Variants in GEMIN4 observed in about 807,000 individuals in gnomAD.
The protein encoded by GEMIN4 is gem-associated protein 4.
A neutral mutation model predicts 76.8 loss-of-function variants in GEMIN4; 59 were observed. The ratio of observed to expected loss-of-function variants is 0.77; its 90% CI spans 0.62 to 0.95. The LOEUF (loss-of-function observed/expected upper bound fraction) is 0.95. Among genes scored for constraint, GEMIN4 ranks in the 40% least tolerant of loss-of-function variants. The pLI, the probability that GEMIN4 is intolerant of heterozygous loss-of-function variation, is 0.00. For synonymous variants in GEMIN4, 562 were observed against 559.7 expected, an observed-to-expected ratio of 1.00 and a Z score of -0.06; for missense variants, 1,311 against 1,318.9, an observed-to-expected ratio of 0.99 and a Z score of 0.09.
upstream of GEMIN4, chr17:753,574 T>G (rs1194788804): frequency 6.5e-6 from 1 of 154,386 alleles, no homozygotes; most frequent in African/African-American, 2.4e-5. Context: ...TGTCGCAAGC[T>G]TAGCCGAGAC....
intron 1 of GEMIN4, chr17:751,866 G>A: frequency 2.7e-6 from 1 of 375,396 alleles, no homozygotes; most frequent in Non-Finnish European, 4.7e-6. Context: ...GCGAGCCCCG[G>A]GCGCTTCCAA....
At position 745,319 on chromosome 17, in the gene GEMIN4, C is replaced by T; in HGVS notation, c.2724G>A (p.Glu908=). The change falls in exon 2 of 2, where the codon GAG becomes GAA. Residue 908 remains glutamate, a synonymous_variant. Coordinates refer to ENST00000319004, the MANE Select transcript of GEMIN4 (RefSeq NM_015721.3). This position sits in a 1 kb window ranked among gnomAD's most constrained non-coding sequence, Gnocchi z 4.6. ...PLLNLKPFAQ[E]LQLSVLFLRT... ...TCAGGAAGAGGACGGAGAGTTGCAA[C>T]TCCTGGGCAAAGGGCTTCAGGTTGA... is the stretch of plus-strand genomic sequence containing the variant. 1 of 1,612,836 alleles carries T rather than the reference C, an allele frequency of 6.2e-7. No individual in the cohort carries two copies. The highest frequency in any genetic ancestry group is 8.5e-7 in the Non-Finnish European group (1 of 1,179,806).
rs373751711 is a variant in GEMIN4 at position 747,496 on chromosome 17, T to C, written c.547A>G (p.Ser183Gly). 13 of 1,613,768 alleles carry C rather than the reference T, an allele frequency of 8.1e-6. No individual in the cohort carries two copies. Among genetic ancestry groups the C allele is most frequent in the Non-Finnish European group, 1.0e-5 (12 of 1,179,826 alleles). The change falls in exon 2 of 2, where the codon AGT becomes GGT. Residue 183 changes from serine (S) to glycine (G), a missense_variant. Physicochemically the swap from Ser to Gly is moderately conservative, Grantham distance 56. Around this residue, in one of 2 missense-constraint regions of GEMIN4, gnomAD observed 1,208 missense variants for 1,166.9 expected, o/e 1.04. Coordinates refer to ENST00000319004, the MANE Select transcript of GEMIN4 (RefSeq NM_015721.3). The part of the protein sequence containing the change: ...HPQDPLLSQF[S>G]AMAHKYLPAL... ...GGCAGGTACTTATGGGCCATTGCACTAAACTGGGAGAGCAGGGGGTCCTGC... is the reference window on the plus strand; with the variant it reads ...GGCAGGTACTTATGGGCCATTGCACCAAACTGGGAGAGCAGGGGGTCCTGC...
Position 746,203 on chromosome 17 carries a change from TCATC to T in GEMIN4, c.1836_1839del (p.Trp612Ter). On this transcript the variant is annotated frameshift_variant, in exon 2 of 2. Transcript: ENST00000319004. LOFTEE classifies it high-confidence loss of function. The surrounding 1 kb of genome is among the most constrained non-coding windows in gnomAD (Gnocchi z 4.3). ...TTTTCTTCCTTGGGTGTAGAGAACTTCATCCAGACGGTTTCTTTGAGGCATGACA... is the reference window on the plus strand; with the variant it reads ...TTTTCTTCCTTGGGTGTAGAGAACTTCAGACGGTTTCTTTGAGGCATGACA... The T allele has an allele frequency of 6.2e-7, 1 of 1,613,800 alleles. No individual in the cohort carries two copies. Among genetic ancestry groups the T allele is most frequent in the Non-Finnish European group, 8.5e-7 (1 of 1,179,884 alleles).
Position 746,384 on chromosome 17 carries a change from G to T in GEMIN4, c.1659C>A (p.Val553=). Reference sequence around the variant, plus strand: ...TCACCGTGACTTCCGGGTGCACTATGACCAGGCGGGCCACGGAGGCCACAG... The same window carrying T: ...TCACCGTGACTTCCGGGTGCACTATTACCAGGCGGGCCACGGAGGCCACAG... ...AKAVASVARL[V]IVHPEVTVKK... Residue 553 remains valine (V), a synonymous_variant, in exon 2 of 2, where the codon GTC becomes GTA. Transcript: ENST00000319004. The surrounding 1 kb of genome is among the most constrained non-coding windows in gnomAD (Gnocchi z 4.3). 6.2e-7 allele frequency: 1 copy of T among 1,613,866 alleles called. No individual in the cohort carries two copies. The highest frequency in any genetic ancestry group is 8.5e-7 in the Non-Finnish European group (1 of 1,179,904).
upstream of GEMIN4, chr17:754,127 TG>T (rs1904886605): frequency 6.6e-6 from 1 of 152,292 alleles, no homozygotes; most frequent in Non-Finnish European, 1.5e-5. Context: ...GGGACTATTC[TG>T]TACTTAACCC....
At position 746,432 on chromosome 17, in the gene GEMIN4, G is replaced by A. The variant is rs1393667346; in HGVS notation, c.1611C>T (p.Ala537=). 3.1e-6 allele frequency: 5 copies of A among 1,613,972 alleles called. No individual in the cohort carries two copies. The South Asian group carries it at 4.4e-5, about 14-fold the overall frequency. ...NTTFNQLTQS[A]SEQGLAKAVA... ...CAGCTTTTGCCAAGCCCTGTTCGGAGGCACTCTGAGTGAGCTGGTTAAAAG... is the reference window on the plus strand; with the variant it reads ...CAGCTTTTGCCAAGCCCTGTTCGGAAGCACTCTGAGTGAGCTGGTTAAAAG... The change falls in exon 2 of 2, where the codon GCC becomes GCT. Residue 537 remains alanine (A), a synonymous_variant. Coordinates refer to ENST00000319004, the MANE Select transcript of GEMIN4 (RefSeq NM_015721.3). This position sits in a 1 kb window ranked among gnomAD's most constrained non-coding sequence, Gnocchi z 4.3.
intron 1 of GEMIN4, chr17:748,431 T>G (rs1183795056): frequency 1.1e-5 from 2 of 189,954 alleles, no homozygotes; most frequent in African/African-American, 4.7e-5. Flanking sequence ...CCAGAGGGGA[T>G]CACCGGAACC....
chr17:746,398 C>T lies in GEMIN4; in HGVS notation c.1645G>A (p.Val549Met), dbSNP rs373624818. Reference sequence around the variant, plus strand: ...GGGTGCACTATGACCAGGCGGGCCACGGAGGCCACAGCTTTTGCCAAGCCC... The same window carrying T: ...GGGTGCACTATGACCAGGCGGGCCATGGAGGCCACAGCTTTTGCCAAGCCC... ...EQGLAKAVAS[V>M]ARLVIVHPEV... The change falls in exon 2 of 2, where the codon GTG becomes ATG. Residue 549 changes from valine to methionine, a missense_variant. This residue lies in a region of GEMIN4 where 1,208 missense variants were observed against 1,166.9 expected (regional missense o/e 1.04). Transcript: ENST00000319004. The surrounding 1 kb of genome is among the most constrained non-coding windows in gnomAD (Gnocchi z 4.3). 24 of 1,613,846 alleles carry T rather than the reference C, an allele frequency of 1.5e-5. No homozygotes were observed. The highest frequency in any genetic ancestry group is 1.9e-5 in the Non-Finnish European group (22 of 1,179,886).
chr17:746,194 T>C lies in GEMIN4; in HGVS notation c.1849A>G (p.Thr617Ala), dbSNP rs1974401249. 2 of 1,613,832 alleles carry C rather than the reference T, an allele frequency of 1.2e-6. No homozygotes were observed. The highest frequency in any genetic ancestry group is 1.7e-6 in the Non-Finnish European group (2 of 1,179,876). Residue 617 changes from threonine to alanine, a missense_variant, in exon 2 of 2, where the codon ACA becomes GCA. Thr to Ala is a moderately conservative substitution (Grantham distance 58). Around this residue, in one of 2 missense-constraint regions of GEMIN4, gnomAD observed 1,208 missense variants for 1,166.9 expected, o/e 1.04. Coordinates refer to ENST00000319004, the MANE Select transcript of GEMIN4 (RefSeq NM_015721.3). The surrounding 1 kb of genome is among the most constrained non-coding windows in gnomAD (Gnocchi z 4.3). ...LKETVWMKFS[T>A]PKEEKQFLEL... ...AAAAATTGCTTTTCTTCCTTGGGTG[T>C]AGAGAACTTCATCCAGACGGTTTCT...
chr17:752,585 T>A, upstream of GEMIN4: 2 of 896,662 alleles, frequency 2.2e-6, no homozygotes, highest in Non-Finnish European at 2.7e-6. Context: ...ACGCGAGGCT[T>A]CCACTCCCAC....
chr17:746,971 T>G lies in GEMIN4; in HGVS notation c.1072A>C (p.Asn358His). The G allele has an allele frequency of 6.2e-7, 1 of 1,613,206 alleles. No individual in the cohort carries two copies. Reference sequence around the variant, plus strand: ...GTGCGGTTCAGGTAGAGCGTCGCGTTCTGGCTGAAGGAAGTCAGACTGTCG... The same window carrying G: ...GTGCGGTTCAGGTAGAGCGTCGCGTGCTGGCTGAAGGAAGTCAGACTGTCG... ...LCDSLTSFSQ[N>H]ATLYLNRTSL... Residue 358 changes from asparagine (N) to histidine (H), a missense_variant, in exon 2 of 2, where the codon AAC becomes CAC. Transcript: ENST00000319004. The surrounding 1 kb of genome is among the most constrained non-coding windows in gnomAD (Gnocchi z 4.3).
chr17:748,093 G>A (rs1904373670), intron 1 of GEMIN4, 61 bp from the exon 2 acceptor site: 15 of 1,273,674 alleles, frequency 1.2e-5, no homozygotes, highest in Non-Finnish European at 1.6e-5. Context: ...GGCCACTGCT[G>A]TTAGTAGGCT....
In GEMIN4 at chr17:745,160, G is replaced by A. The variant is rs756586327; in HGVS notation, c.2883C>T (p.Gly961=). ...CCTGCTCTGGTCCTTGAACCCAAGG[G>A]CCAGCTGCCTGTATCGCCCTGACTG... The part of the protein sequence containing the change: ...LDSVRAIQAA[G]PWVQGPEQDL... Residue 961 remains glycine, a synonymous_variant, in exon 2 of 2, where the codon GGC becomes GGT. Coordinates refer to ENST00000319004, the MANE Select transcript of GEMIN4 (RefSeq NM_015721.3). The surrounding 1 kb of genome is among the most constrained non-coding windows in gnomAD (Gnocchi z 4.6). 74 of 1,605,528 alleles carry A rather than the reference G, an allele frequency of 4.6e-5. No homozygotes were observed. The highest frequency in any genetic ancestry group is 6.1e-5 in the Non-Finnish European group (72 of 1,176,448).
At position 747,072 on chromosome 17, in the gene GEMIN4, A is replaced by G. The variant is rs1567778637; in HGVS notation, c.971T>C (p.Leu324Pro). The G allele has an allele frequency of 6.2e-7, 1 of 1,613,556 alleles. No homozygotes were observed. Among genetic ancestry groups the G allele is most frequent in the Non-Finnish European group, 8.5e-7 (1 of 1,179,840 alleles). ...FVGCEFLHHL[L>P]REWGEELQAV... ...CTGCAACTCCTCCCCCCACTCCCGC[A>G]GCAGGTGGTGCAGGAACTCGCAGCC... Residue 324 changes from leucine to proline, a missense_variant, in exon 2 of 2, where the codon CTG (leucine) becomes CCG (proline). Physicochemically the swap from Leu to Pro is moderately conservative, Grantham distance 98 (BLOSUM62 -3). Around this residue, in one of 2 missense-constraint regions of GEMIN4, gnomAD observed 1,208 missense variants for 1,166.9 expected, o/e 1.04. Coordinates refer to ENST00000319004, the MANE Select transcript of GEMIN4 (RefSeq NM_015721.3).
Position 752,055 on chromosome 17 carries a change from AGG to A in GEMIN4, c.10+76_10+77del, listed in dbSNP as rs1904744255. Reference sequence around the variant, plus strand: ...GGCCCGCGCGAGCGTGCGCGACAGGAGGAGACGCGACGGGGCAGCACCGCTCT... The same window carrying A: ...GGCCCGCGCGAGCGTGCGCGACAGGAAGACGCGACGGGGCAGCACCGCTCT... On this transcript the variant is annotated intron_variant, in intron 1 of 1. Transcript: ENST00000319004. 4 of 989,438 alleles carry A rather than the reference AGG, an allele frequency of 4.0e-6. No individual in the cohort carries two copies. In the East Asian group the frequency reaches 1.3e-4, roughly 33 times the overall value. The allele number at this position is 989,438 out of a possible 1,614,324, so 61.3% of individuals were successfully genotyped here.
Position 752,197 on chromosome 17 carries a change from G to A in GEMIN4, c.-55C>T. The A allele has an allele frequency of 8.1e-7, 1 of 1,231,618 alleles. No individual in the cohort carries two copies. The highest frequency in any genetic ancestry group is 4.1e-5 in the South Asian group (1 of 24,404). The allele number at this position is 1,231,618 out of a possible 1,614,324, so 76.3% of individuals were successfully genotyped here. A position where few individuals can be genotyped will look rare whatever the true frequency, so the allele number is the denominator to read the frequency against. On this transcript the variant is annotated 5_prime_UTR_variant, in exon 1 of 2. Transcript: ENST00000319004. Reference sequence around the variant, plus strand: ...AACGCCCCCTCCCCTCCGAGAACTCGAACGCGGCGCGGGACGCACGGCACG... The same window carrying A: ...AACGCCCCCTCCCCTCCGAGAACTCAAACGCGGCGCGGGACGCACGGCACG...
Position 747,278 on chromosome 17 carries a change from G to A in GEMIN4, c.765C>T (p.Asp255=), listed in dbSNP as rs35696687. The A allele has an allele frequency of 0.15, 249,961 of 1,613,600 alleles. 21,338 individuals are homozygous for A. The highest frequency in any genetic ancestry group is 0.19 in the Middle Eastern group (1,144 of 6,062). Residue 255 remains aspartate (D), a synonymous_variant, in exon 2 of 2, where the codon GAC becomes GAT. Coordinates refer to ENST00000319004, the MANE Select transcript of GEMIN4 (RefSeq NM_015721.3). ...CGGTTGCAGACACCTCCTGGGGGTC[G>A]TCCTCTGTCAGCGCAAACACAGTCA... ...DMLTVFALTE[D]DPQEVSATVY...
rs146489979 is a variant in GEMIN4, at chr17:747,790, G to A, written c.253C>T (p.Pro85Ser). 1.6e-4 allele frequency: 261 copies of A among 1,613,496 alleles called. No homozygotes were observed. The highest frequency in any genetic ancestry group is 2.1e-4 in the Non-Finnish European group (245 of 1,179,756). ...AKVLQPHPVT[P>S]SDTETRWQED... ...TGCCACCGTGTCTCTGTGTCGGACGGGGTCACGGGGTGCGGCTGCAGAACC... is the reference window on the plus strand; with the variant it reads ...TGCCACCGTGTCTCTGTGTCGGACGAGGTCACGGGGTGCGGCTGCAGAACC... Residue 85 changes from proline (P) to serine (S), a missense_variant, in exon 2 of 2, where the codon CCG (proline) becomes TCG (serine). Coordinates refer to ENST00000319004, the MANE Select transcript of GEMIN4 (RefSeq NM_015721.3).
Sources: gnomAD v4.1 joint callset for allele counts on GRCh38, gnomAD v4.1.1 for gene constraint, gnomAD v4.1.1 regional missense constraint, Gnocchi (gnomAD v3.1) non-coding constraint, MANE v1.5 for transcripts, NCBI Gene and HGNC (gene_info 2026-07-23, HGNC 2026-07-21) for gene names.